OSBPL9: variants seen among roughly 807,000 people sequenced by gnomAD.
The protein encoded by OSBPL9 is oxysterol binding protein like 9.
A neutral mutation model predicts 106.6 loss-of-function variants in OSBPL9; 40 were observed. The ratio of observed to expected loss-of-function variants is 0.38; its 90% CI spans 0.29 to 0.49. The LOEUF is 0.49. Among genes scored for constraint, OSBPL9 ranks in the 20% least tolerant of loss-of-function variants. The pLI, the probability that OSBPL9 is intolerant of heterozygous loss-of-function variation, is 0.97. For synonymous variants in OSBPL9, 269 were observed against 295.4 expected, an observed-to-expected ratio of 0.91 and a Z score of 0.92; for missense variants, 609 against 887.2, an observed-to-expected ratio of 0.69 and a Z score of 3.98.
intron 11 of OSBPL9, among the ~76,000 whole-genome samples, chr1:51,762,551 AT>A (rs2149072422): frequency 6.6e-6 from 1 of 152,298 alleles, no homozygotes; most frequent in South Asian, 2.1e-4. Flanking sequence ...TTTTTGAAAA[AT>A]TTACTCCAGC....
intron 2 of OSBPL9, among the ~76,000 whole-genome samples, chr1:51,652,253 T>G (rs1410644826): frequency 6.6e-6 from 1 of 152,226 alleles, no homozygotes; most frequent in Non-Finnish European, 1.5e-5. Flanking sequence ...CATGATTCAA[T>G]GTTGTATTTA....
At chr1:51,563,038 G>A in the OSBPL9 span, among the ~76,000 whole-genome samples, 7 of 151,890 alleles carry the variant, frequency 4.6e-5, no homozygotes, top group South Asian at 2.1e-4. Context: ...GTGAAACCGC[G>A]TCTCTACTGC....
At chr1:51,612,933 G>A (rs929172666), upstream of OSBPL9, among the ~76,000 whole-genome samples, 2 of 152,190 alleles carry the variant, frequency 1.3e-5, no homozygotes, top group Non-Finnish European at 2.9e-5. Context: ...CTTTTGGCAA[G>A]CCACTAAATA....
At chr1:51,593,040 T>C (rs925155589) in intron 1 of OSBPL9, among the ~76,000 whole-genome samples, 1 of 152,124 alleles carries the variant, frequency 6.6e-6, no homozygotes, top group Non-Finnish European at 1.5e-5. Flanking sequence ...TGGAAAAGGA[T>C]TGTGCTTTGT....
intron 1 of OSBPL9, among the ~76,000 whole-genome samples, chr1:51,594,071 C>G (rs1042056305): frequency 1.2e-4 from 18 of 152,002 alleles, no homozygotes; most frequent in Admixed American, 1.1e-3. Flanking sequence ...AGATGACCCC[C>G]AAGATCCTCT....
At chr1:51,668,809 T>C (rs945011671) in intron 2 of OSBPL9, among the ~76,000 whole-genome samples, 2 of 152,208 alleles carry the variant, frequency 1.3e-5, no homozygotes, top group Admixed American at 1.3e-4. Flanking sequence ...AAGTGCCATG[T>C]ATCAAATAAA....
At chr1:51,606,781 G>T (rs1006790379) in intron 2 of OSBPL9, among the ~76,000 whole-genome samples, 1 of 152,174 alleles carries the variant, frequency 6.6e-6, no homozygotes, top group South Asian at 2.1e-4. Flanking sequence ...GGGCGCGGTG[G>T]CTCACGCCTG....
the OSBPL9 span, among the ~76,000 whole-genome samples, chr1:51,531,403 TATG>T: frequency 6.6e-6 from 1 of 152,308 alleles, no homozygotes; most frequent in African/African-American, 2.4e-5. Context: ...ATAATCCAGA[TATG>T]ATGATGGCTT....
intron 3 of OSBPL9, chr1:51,709,275 C>G (rs1659303537): frequency 4.6e-6 from 1 of 215,728 alleles, no homozygotes; most frequent in Non-Finnish European, 9.9e-6. Flanking sequence ...ACTTGTCCTT[C>G]TGGAGGGGCA....
rs557768757 is a variant in OSBPL9 at position 51,691,345 on chromosome 1, T to C, written c.241+21833T>C. Among the ~76,000 whole-genome samples the C allele has an allele frequency of 1.4e-4, 21 of 148,282 alleles. 1 individual carries two copies. The South Asian group carries it at 4.5e-3, about 32-fold the overall frequency. On this transcript the variant is annotated intron_variant, in intron 3 of 23. Transcript: ENST00000428468. ...CCCAGGCTGGAGTGTGGTGGCATGA[T>C]CTCGGCTCACTGCAACCTCTGACTC...
intron 3 of OSBPL9, among the ~76,000 whole-genome samples, chr1:51,673,131 C>T (rs1374091539): frequency 6.6e-6 from 1 of 151,864 alleles, no homozygotes; most frequent in Non-Finnish European, 1.5e-5. Flanking sequence ...AAGAAGCAAC[C>T]AAAAAGGAGG....
At chr1:51,611,192 CT>C (rs1190976710) in intron 2 of OSBPL9, among the ~76,000 whole-genome samples, 6 of 151,628 alleles carry the variant, frequency 4.0e-5, no homozygotes, top group African/African-American at 1.5e-4. Flanking sequence ...AAAATCATAG[CT>C]TTTCCTAAAC....
intron 8 of OSBPL9, among the ~76,000 whole-genome samples, 187 bp downstream of exon 8, chr1:51,750,382 G>A (rs1182778849): frequency 6.6e-6 from 1 of 152,172 alleles, no homozygotes; most frequent in Non-Finnish European, 1.5e-5. Flanking sequence ...TTCTGGTAAT[G>A]TCATTTCTGG....
At chr1:51,642,319 A>G (rs1369837567) in intron 1 of OSBPL9, among the ~76,000 whole-genome samples, 1 of 152,196 alleles carries the variant, frequency 6.6e-6, no homozygotes, top group Non-Finnish European at 1.5e-5. Context: ...GCTAATAGGG[A>G]TGATGAAATT....
intron 4 of OSBPL9, among the ~76,000 whole-genome samples, chr1:51,741,816 T>C (rs1214121273): frequency 1.3e-5 from 2 of 152,188 alleles, no homozygotes; most frequent in Non-Finnish European, 2.9e-5. Context: ...GTGTATAATT[T>C]AAACTTTAAA....
At chr1:51,740,085 A>G (rs142655610) in intron 4 of OSBPL9, 18 of 1,544,042 alleles carry the variant, frequency 1.2e-5, no homozygotes, top group African/African-American at 4.1e-5. Flanking sequence ...TTGATTATTG[A>G]TGTTAGACTC....
rs78831650 is a variant in OSBPL9, at chr1:51,643,119, C to A, written c.112-8872C>A. Among the ~76,000 whole-genome samples the A allele has an allele frequency of 1.6e-4, 25 of 152,168 alleles. No individual in the cohort carries two copies. The East Asian group carries it at 4.8e-3, about 29-fold the overall frequency. ...AGAGCAAGAGAGGTGAGGGAAATTG[C>A]TTTTACGACAAAGTCACTCCATCAA... On this transcript the variant is annotated intron_variant, in intron 1 of 23. Transcript: ENST00000428468.
chr1:51,528,777 G>A, the OSBPL9 span, among the ~76,000 whole-genome samples: 11 of 152,080 alleles, frequency 7.2e-5, no homozygotes, highest in South Asian at 1.2e-3. Flanking sequence ...GGGGGCTAAC[G>A]TGGGGAAATC....
chr1:51,578,775 C>T (rs1425687769), intron 1 of OSBPL9, among the ~76,000 whole-genome samples: 1 of 152,148 alleles, frequency 6.6e-6, no homozygotes, highest in Non-Finnish European at 1.5e-5. Context: ...TTAGGGAGTT[C>T]ATAATCTGGT....
Sources: gnomAD v4.1 joint callset for allele counts (sites outside exome capture counted in the v4.1 genomes callset) on GRCh38, gnomAD v4.1.1 for gene constraint, MANE v1.5 for transcripts, NCBI Gene and HGNC (gene_info 2026-07-23, HGNC 2026-07-21) for gene names.